ANKS1B: variants seen among roughly 807,000 people sequenced by gnomAD.
ANKS1B encodes the protein ankyrin repeat and sterile alpha motif domain containing 1B.
In ANKS1B, 36 loss-of-function variants were observed where a neutral mutation model predicts 148.3. The observed-to-expected ratio is 0.24, with a 90% CI of 0.19 to 0.32. The LOEUF is 0.32. Ranked by LOEUF, ANKS1B falls within the 10% of genes least tolerant of loss-of-function variation. The pLI is 1.00. For missense variants in ANKS1B, 1,157 were observed against 1,542.6 expected (o/e 0.75, Z 4.19); for synonymous variants, 542 against 560.8 (o/e 0.97, Z 0.47).
chr12:99,273,955 T>C (rs1210690183), intron 12 of ANKS1B, among the ~76,000 whole-genome samples: 1 of 152,098 alleles, frequency 6.6e-6, no homozygotes, highest in East Asian at 1.9e-4. Context: ...GACAATTCTT[T>C]GTCCAATGTG....
intron 1 of ANKS1B, among the ~76,000 whole-genome samples, chr12:99,940,001 C>A (rs528652694): frequency 6.6e-6 from 1 of 152,114 alleles, no homozygotes; most frequent in African/African-American, 2.4e-5. Context: ...ACAGTTAAGA[C>A]GTACTTTCAT....
intron 11 of ANKS1B, among the ~76,000 whole-genome samples, chr12:99,440,064 C>T (rs924237796): frequency 1.3e-5 from 2 of 151,772 alleles, no homozygotes; most frequent in Middle Eastern, 3.4e-3. Context: ...CATAGGATTC[C>T]ATTTATATAA....
chr12:98,774,379 C>T (rs899599373), intron 24 of ANKS1B, among the ~76,000 whole-genome samples: 4 of 152,212 alleles, frequency 2.6e-5, no homozygotes, highest in Admixed American at 2.6e-4. Flanking sequence ...TCTAGCATCT[C>T]TTTGTGCCTT....
At chr12:99,275,082 G>GT (rs1343055242) in intron 12 of ANKS1B, among the ~76,000 whole-genome samples, 1 of 152,114 alleles carries the variant, frequency 6.6e-6, no homozygotes, top group Non-Finnish European at 1.5e-5. Flanking sequence ...GATAGTAGGT[G>GT]TATGTATTAA....
chr12:99,603,423 G>T (rs1010802941), intron 9 of ANKS1B, among the ~76,000 whole-genome samples: 2 of 152,044 alleles, frequency 1.3e-5, no homozygotes, highest in African/African-American at 4.8e-5. Flanking sequence ...GCAACCATGT[G>T]AACTTTGTTC....
In ANKS1B at chr12:99,415,674, G is replaced by A. The variant is rs557272713; in HGVS notation, c.1576-15863C>T. On this transcript the variant is annotated intron_variant, in intron 11 of 26. Transcript: ENST00000683438. ...AGAAACAGAGCAATTCCATCACCAC[G>A]AGGATCCCTCCCATTGCCCTTTTTT... Among the ~76,000 whole-genome samples the A allele has an allele frequency of 5.3e-5, 8 of 152,090 alleles. No homozygotes were observed. The South Asian group carries it at 1.2e-3, about 24-fold the overall frequency.
intron 12 of ANKS1B, among the ~76,000 whole-genome samples, chr12:99,362,433 A>T (rs899342207): frequency 1.3e-5 from 2 of 151,990 alleles, no homozygotes; most frequent in African/African-American, 4.8e-5. Flanking sequence ...ACATTGCCCA[A>T]ACTAAGTGGC....
intron 1 of ANKS1B, among the ~76,000 whole-genome samples, chr12:99,892,410 C>G (rs940596540): frequency 1.3e-5 from 2 of 152,102 alleles, no homozygotes; most frequent in African/African-American, 4.8e-5. Context: ...TTTTTTAAGG[C>G]ATAAGCAACA....
chr12:98,775,453 T>C (rs1272903861), intron 24 of ANKS1B, among the ~76,000 whole-genome samples: 1 of 151,934 alleles, frequency 6.6e-6, no homozygotes, highest in East Asian at 1.9e-4. Flanking sequence ...TCTTTCTCTC[T>C]CTCTCTCTTT....
intron 17 of ANKS1B, among the ~76,000 whole-genome samples, chr12:98,921,109 C>T (rs1000101907): frequency 6.6e-6 from 1 of 152,010 alleles, no homozygotes; most frequent in Non-Finnish European, 1.5e-5. Flanking sequence ...ATCCTTTCTT[C>T]CCTTTCTTCT....
At chr12:99,219,569 G>A (rs1378573347) in intron 14 of ANKS1B, among the ~76,000 whole-genome samples, 2 of 152,036 alleles carry the variant, frequency 1.3e-5, no homozygotes, top group Non-Finnish European at 1.5e-5. Context: ...CAGGTTAGCT[G>A]GGCTTTAAAA....
chr12:98,848,756 T>TTTTTTTTTTTTTTTTTTTG (rs1567129301), intron 17 of ANKS1B, among the ~76,000 whole-genome samples: 4 of 140,508 alleles, frequency 2.8e-5, no homozygotes, highest in African/African-American at 5.3e-5. Context: ...TTTTTTTTTT[T>TTTTTTTTTTTTTTTTTTTG]GAGACGGAGT....
At chr12:99,002,052 G>A (rs1018553423) in intron 17 of ANKS1B, among the ~76,000 whole-genome samples, 3 of 152,128 alleles carry the variant, frequency 2.0e-5, no homozygotes, top group African/African-American at 7.2e-5. Flanking sequence ...ATTCACCTGT[G>A]ATGGACACTT....
intron 15 of ANKS1B, among the ~76,000 whole-genome samples, chr12:99,103,852 C>T (rs149588100): frequency 2.6e-5 from 4 of 152,322 alleles, no homozygotes; most frequent in African/African-American, 9.6e-5. Flanking sequence ...GATGAATACA[C>T]ATGCAGAGAT....
intron 22 of ANKS1B, among the ~76,000 whole-genome samples, chr12:98,783,741 G>A (rs1296352814): frequency 2.6e-5 from 4 of 152,146 alleles, no homozygotes; most frequent in African/African-American, 7.2e-5. Flanking sequence ...AGATGAGAGT[G>A]GTAGAGTAGG....
intron 22 of ANKS1B, among the ~76,000 whole-genome samples, chr12:98,796,989 T>C (rs961352895): frequency 1.3e-5 from 2 of 152,202 alleles, no homozygotes; most frequent in Non-Finnish European, 2.9e-5. Flanking sequence ...CTGATGCTGA[T>C]TATCACACCG....
intron 14 of ANKS1B, among the ~76,000 whole-genome samples, chr12:99,177,810 A>C (rs2078591103): frequency 6.6e-6 from 1 of 151,582 alleles, no homozygotes; most frequent in Non-Finnish European, 1.5e-5. Context: ...TTGTTACTAA[A>C]TTTTTTTTTC....
intron 25 of ANKS1B, among the ~76,000 whole-genome samples, chr12:98,753,515 C>G (rs189424550): frequency 6.6e-6 from 1 of 152,174 alleles, no homozygotes; most frequent in Admixed American, 6.5e-5. Flanking sequence ...GCCACCTCCA[C>G]CTCTTGGGTT....
At position 98,798,949 on chromosome 12, in the gene ANKS1B, A is replaced by G; in HGVS notation, c.3327T>C (p.Ala1109=). The part of the protein sequence containing the change: ...ELRGTESTQD[A]CAKMRANCQK... ...GCAGACTTACCCGCATTTTTGCACA[A>G]GCATCTTGGGTTGATTCTGTCCCCC... The change falls in exon 22 of 27, where the codon GCT becomes GCC. Residue 1109 remains alanine (A), a synonymous_variant. Coordinates refer to ENST00000683438, the MANE Select transcript of ANKS1B (RefSeq NM_001352186.2). 1 of 1,610,958 alleles carries G rather than the reference A, an allele frequency of 6.2e-7. No individual in the cohort carries two copies. Among genetic ancestry groups the G allele is most frequent in the Non-Finnish European group, 8.5e-7 (1 of 1,178,630 alleles).
Sources: gnomAD v4.1 joint callset for allele counts (sites outside exome capture counted in the v4.1 genomes callset) on GRCh38, gnomAD v4.1.1 for gene constraint, MANE v1.5 for transcripts, NCBI Gene and HGNC (gene_info 2026-07-23, HGNC 2026-07-21) for gene names.